The following ZDHHC7 variants were observed in gnomAD, a reference collection of about 807,000 sequenced individuals.
The protein encoded by ZDHHC7 is palmitoyltransferase ZDHHC7.
ZDHHC7 carries 12 observed loss-of-function variants against 34.1 expected under a neutral mutation model. The observed-to-expected ratio is 0.35, with a 90% CI of 0.23 to 0.57. ZDHHC7 has a LOEUF of 0.57. Among genes scored for constraint, ZDHHC7 ranks in the 20% least tolerant of loss-of-function variants. The pLI, the probability that ZDHHC7 is intolerant of heterozygous loss-of-function variation, is 0.84. For synonymous variants in ZDHHC7, 185 were observed against 155.4 expected (o/e 1.19, Z -1.42); for missense variants, 388 against 402.7 (o/e 0.96, Z 0.31).
chr16:85,003,176 C>T (rs1364448656), intron 1 of ZDHHC7, among the ~76,000 whole-genome samples: 2 of 152,020 alleles, frequency 1.3e-5, no homozygotes, highest in Admixed American at 6.6e-5. Context: ...GCCAAGTGAC[C>T]GAAACTCAGG....
At chr16:85,010,485 T>C (rs541731185) in intron 1 of ZDHHC7, among the ~76,000 whole-genome samples, 17 of 152,156 alleles carry the variant, frequency 1.1e-4, no homozygotes, top group South Asian at 2.1e-4. Context: ...AACAGTAAAA[T>C]AGATAAATAC....
intron 1 of ZDHHC7, among the ~76,000 whole-genome samples, chr16:85,007,213 C>G (rs550836034): frequency 2.8e-4 from 43 of 151,966 alleles, no homozygotes; most frequent in African/African-American, 1.0e-3. Context: ...CACCTGAGGT[C>G]AGGAGTTCAA....
intron 3 of ZDHHC7, among the ~76,000 whole-genome samples, chr16:84,989,950 C>A (rs548771329): frequency 9.1e-4 from 139 of 152,254 alleles, no homozygotes; most frequent in African/African-American, 3.2e-3. Flanking sequence ...GCCTGGAACT[C>A]ACTTACTAGA....
chr16:85,000,990 C>T (rs2072645186), intron 1 of ZDHHC7, among the ~76,000 whole-genome samples: 1 of 152,126 alleles, frequency 6.6e-6, no homozygotes, highest in Non-Finnish European at 1.5e-5. Flanking sequence ...AAGACATGGA[C>T]AAGAGAGGAC....
intron 1 of ZDHHC7, among the ~76,000 whole-genome samples, chr16:85,009,382 C>G (rs1363359151): frequency 2.0e-5 from 3 of 151,990 alleles, no homozygotes; most frequent in Non-Finnish European, 4.4e-5. Context: ...TCTATTCATG[C>G]TAATACTCTT....
intron 3 of ZDHHC7, among the ~76,000 whole-genome samples, chr16:84,988,087 A>G (rs9923066): frequency 0.25 from 37,832 of 152,070 alleles, 4,953 homozygotes; most frequent in Admixed American, 0.34. Context: ...GGAGAATGGC[A>G]TGAACCCCTG....
intron 3 of ZDHHC7, among the ~76,000 whole-genome samples, chr16:84,989,121 TCA>T (rs1309472982): frequency 6.6e-6 from 1 of 152,082 alleles, no homozygotes; most frequent in African/African-American, 2.4e-5. Context: ...TCGAAGAGAC[TCA>T]GTTATGGTCA....
chr16:84,992,983 T>C (rs2072530291), intron 2 of ZDHHC7, among the ~76,000 whole-genome samples: 1 of 152,178 alleles, frequency 6.6e-6, no homozygotes, highest in Non-Finnish European at 1.5e-5. Flanking sequence ...AAAATGAAAT[T>C]GTTTTCCAAA....
chr16:84,979,302 G>C lies in ZDHHC7; in HGVS notation c.441-17C>G. 6.2e-7 allele frequency: 1 copy of C among 1,606,658 alleles called. No homozygotes were observed. The highest frequency in any genetic ancestry group is 8.5e-7 in the Non-Finnish European group (1 of 1,178,420). On this transcript the variant is annotated splice_polypyrimidine_tract_variant and intron_variant, in intron 4 of 7. Coordinates refer to ENST00000313732, the MANE Select transcript of ZDHHC7 (RefSeq NM_017740.3). ...TTGCAAATACTGAAAAGGAGAGTTT[G>C]ATTTTTCAGTATTCCATGCTCTGAG...
At chr16:85,005,255 G>A (rs1160943408) in intron 1 of ZDHHC7, among the ~76,000 whole-genome samples, 1 of 152,178 alleles carries the variant, frequency 6.6e-6, no homozygotes, top group African/African-American at 2.4e-5. Flanking sequence ...GAGTTTCCCT[G>A]TTTAATACAA....
At chr16:85,003,853 G>A (rs1236650376) in intron 1 of ZDHHC7, among the ~76,000 whole-genome samples, 2 of 152,042 alleles carry the variant, frequency 1.3e-5, no homozygotes, top group Non-Finnish European at 2.9e-5. Flanking sequence ...CAGGAGTGAG[G>A]GGCCTGGGGG....
At chr16:85,001,066 C>A (rs1190151467) in intron 1 of ZDHHC7, among the ~76,000 whole-genome samples, 1 of 152,122 alleles carries the variant, frequency 6.6e-6, no homozygotes, top group African/African-American at 2.4e-5. Context: ...GAAGGACAAG[C>A]CTGAGGTCCA....
intron 3 of ZDHHC7, among the ~76,000 whole-genome samples, chr16:84,985,709 C>G (rs1036753389): frequency 6.6e-6 from 1 of 152,030 alleles, no homozygotes; most frequent in African/African-American, 2.4e-5. Context: ...AATCCTAGAA[C>G]TTTGGGAGGC....
the ZDHHC7 span, among the ~76,000 whole-genome samples, chr16:85,024,814 G>A: frequency 6.6e-6 from 1 of 152,248 alleles, no homozygotes; most frequent in Admixed American, 6.5e-5. Context: ...CCAACAATCT[G>A]GCCTCAGAGA....
upstream of ZDHHC7, among the ~76,000 whole-genome samples, chr16:85,015,860 A>G (rs2072831954): frequency 6.6e-6 from 1 of 152,060 alleles, no homozygotes; most frequent in South Asian, 2.1e-4. Flanking sequence ...AAAAAGAAAA[A>G]GAAATATACT....
At chr16:85,021,083 T>G in the ZDHHC7 span, among the ~76,000 whole-genome samples, 1 of 147,390 alleles carries the variant, frequency 6.8e-6, no homozygotes, top group Non-Finnish European at 1.5e-5. Flanking sequence ...CCAGCCTAAG[T>G]GACAGAGCAA....
chr16:84,994,990 T>C lies in ZDHHC7; in HGVS notation c.-18+932A>G, dbSNP rs545255413. On this transcript the variant is annotated intron_variant, in intron 2 of 7. Coordinates refer to ENST00000313732, the MANE Select transcript of ZDHHC7 (RefSeq NM_017740.3). Reference sequence around the variant, plus strand: ...GAAATGAAGAAACCATTCCTTTACATGGAAGCTAATCTAAAAGCAAACAGC... The same window carrying C: ...GAAATGAAGAAACCATTCCTTTACACGGAAGCTAATCTAAAAGCAAACAGC... 2.0e-5 allele frequency among the ~76,000 whole-genome samples: 3 copies of C among 152,268 alleles called. No individual in the cohort carries two copies. In the East Asian group the frequency reaches 5.8e-4, roughly 29 times the overall value.
the ZDHHC7 span, among the ~76,000 whole-genome samples, chr16:85,023,601 C>T: frequency 0.15 from 22,313 of 152,090 alleles, 2,015 homozygotes; most frequent in Admixed American, 0.26. Context: ...ATTTTGGACT[C>T]ATCCTCTATT....
At chr16:84,999,276 T>C (rs1322990321) in intron 1 of ZDHHC7, among the ~76,000 whole-genome samples, 2 of 152,138 alleles carry the variant, frequency 1.3e-5, no homozygotes, top group African/African-American at 4.8e-5. Context: ...TTTTATAAAT[T>C]TTAAAAAGTA....
Sources: allele counts gnomAD v4.1 joint callset (sites outside exome capture counted in the v4.1 genomes callset), GRCh38; gene constraint gnomAD v4.1.1; transcripts MANE v1.5; gene names NCBI Gene and HGNC (gene_info 2026-07-23, HGNC 2026-07-21).